Variants in CORO2B observed in about 807,000 individuals in gnomAD.
CORO2B encodes coronin 2B, also known as coronin-2B.
CORO2B carries 26 observed loss-of-function variants against 58.8 expected under a neutral mutation model. That is an observed-to-expected ratio of 0.44 (90% confidence interval 0.32 to 0.61). The LOEUF is 0.61. CORO2B is among the 20% of genes least tolerant of loss of function. The pLI is 0.04. For missense variants in CORO2B, 460 were observed against 645.1 expected (o/e 0.71, Z 3.11); for synonymous variants, 242 against 253.8 (o/e 0.95, Z 0.44).
chr15:68,613,910 G>A (rs1900295563), intron 1 of CORO2B, among the ~76,000 whole-genome samples: 1 of 152,200 alleles, frequency 6.6e-6, no homozygotes, highest in South Asian at 2.1e-4. Context: ...ATAAATTGCT[G>A]TGAGTTTAGC....
At chr15:68,677,622 A>G (rs1902631276) in intron 2 of CORO2B, among the ~76,000 whole-genome samples, 1 of 152,140 alleles carries the variant, frequency 6.6e-6, no homozygotes. Context: ...CAAAACCTCC[A>G]TGGGCAGGAA....
At chr15:68,707,824 C>A (rs34161654) in intron 3 of CORO2B, among the ~76,000 whole-genome samples, 1 of 152,044 alleles carries the variant, frequency 6.6e-6, no homozygotes, top group South Asian at 2.1e-4. Context: ...CTTGTTCCCC[C>A]TGCACCCTCT....
At chr15:68,701,404 C>T (rs1391133134) in intron 3 of CORO2B, among the ~76,000 whole-genome samples, 2 of 150,906 alleles carry the variant, frequency 1.3e-5, no homozygotes, top group Non-Finnish European at 2.9e-5. Flanking sequence ...CTTCACCTCC[C>T]GGGTTCAGGC....
chr15:68,618,422 A>G (rs931631805), intron 1 of CORO2B, among the ~76,000 whole-genome samples: 13 of 152,358 alleles, frequency 8.5e-5, no homozygotes, highest in Middle Eastern at 3.4e-3. Context: ...CTCCCAGTTC[A>G]AGTGGCACTT....
chr15:68,720,851 T>C (rs532484978), intron 11 of CORO2B, among the ~76,000 whole-genome samples: 120 of 152,300 alleles, frequency 7.9e-4, no homozygotes, highest in Middle Eastern at 3.4e-3. Context: ...ATGGGAGCCA[T>C]CTTAAACTAG....
At chr15:68,616,256 C>T (rs1188513763) in intron 1 of CORO2B, among the ~76,000 whole-genome samples, 1 of 152,216 alleles carries the variant, frequency 6.6e-6, no homozygotes, top group Non-Finnish European at 1.5e-5. Context: ...GCCTCTTCCC[C>T]ATCACCTCAG....
chr15:68,719,203 C>G lies in CORO2B; in HGVS notation c.1140C>G (p.Thr380=), dbSNP rs1393368789. The G allele has an allele frequency of 2.5e-6, 4 of 1,613,934 alleles. No homozygotes were observed. Among genetic ancestry groups the G allele is most frequent in the East Asian group, 2.2e-5 (1 of 44,892 alleles). ...PMTPGTEPAL[T]PDEWLGGINR... is the part of the protein sequence containing the mutation. The stretch of plus-strand genomic sequence containing the variant: ...CACCAGGCACGGAGCCAGCACTGAC[C>G]CCGGATGAATGGCTGGGAGGCATCA... The change falls in exon 10 of 12, where the codon ACC becomes ACG. Residue 380 remains threonine (T), a synonymous_variant. Transcript: ENST00000261861.
In CORO2B at chr15:68,726,094, A is replaced by AT. The variant is rs1893292559; in HGVS notation, c.*120_*121insT. 1 of 1,267,862 alleles carries AT rather than the reference A, an allele frequency of 7.9e-7. No individual in the cohort carries two copies. The highest frequency in any genetic ancestry group is 2.5e-5 in the Admixed American group (1 of 39,688). 78.5% of individuals were successfully genotyped at this position (1,267,862 alleles called of 1,614,324 possible). A position where few individuals can be genotyped will look rare whatever the true frequency, so the allele number is the denominator to read the frequency against. On this transcript the variant is annotated 3_prime_UTR_variant, in exon 12 of 12. Coordinates refer to ENST00000261861, the MANE Select transcript of CORO2B (RefSeq NM_006091.5). ...GACAGGAGTGGGGGCCAGCCTGAGG[A>AT]CCCCCGCCTACCACCTCGAGAACTG...
At chr15:68,630,656 T>A (rs1178771594) in intron 1 of CORO2B, among the ~76,000 whole-genome samples, 1 of 152,176 alleles carries the variant, frequency 6.6e-6, no homozygotes, top group African/African-American at 2.4e-5. Context: ...CAACCAAGAC[T>A]GACTCAAGCT....
At chr15:68,630,459 G>T (rs1363460179) in intron 1 of CORO2B, among the ~76,000 whole-genome samples, 7 of 152,044 alleles carry the variant, frequency 4.6e-5, no homozygotes, top group African/African-American at 1.7e-4. Flanking sequence ...GGCCTGCTAG[G>T]CTTGGGTGGG....
intron 1 of CORO2B, among the ~76,000 whole-genome samples, chr15:68,631,832 C>T (rs1900840035): frequency 6.6e-6 from 1 of 152,312 alleles, no homozygotes; most frequent in East Asian, 1.9e-4. Context: ...AAGGTGCTGA[C>T]ACCTGCACAA....
At chr15:68,637,331 C>G (rs1901061311) in intron 1 of CORO2B, among the ~76,000 whole-genome samples, 1 of 152,240 alleles carries the variant, frequency 6.6e-6, no homozygotes, top group African/African-American at 2.4e-5. Context: ...TCCCTCTGCT[C>G]CTCCAGTATG....
the CORO2B span, among the ~76,000 whole-genome samples, chr15:68,565,089 T>G: frequency 6.6e-6 from 1 of 152,204 alleles, no homozygotes. Flanking sequence ...AAAAGTGTTC[T>G]TTAATTAATT....
At chr15:68,691,642 A>AAAAG (rs1555416940) in intron 2 of CORO2B, among the ~76,000 whole-genome samples, 6 of 149,014 alleles carry the variant, frequency 4.0e-5, no homozygotes, top group East Asian at 2.0e-4. Flanking sequence ...AAAAAAAAAA[A>AAAAG]AAAAGAAAAG....
intron 11 of CORO2B, among the ~76,000 whole-genome samples, chr15:68,720,984 C>T (rs1013579327): frequency 2.0e-5 from 3 of 152,126 alleles, no homozygotes; most frequent in East Asian, 1.9e-4. Flanking sequence ...CAGGTTCAAG[C>T]GATTGTCCTG....
intron 1 of CORO2B, among the ~76,000 whole-genome samples, chr15:68,595,981 C>T (rs902737879): frequency 9.9e-5 from 15 of 151,496 alleles, no homozygotes; most frequent in Non-Finnish European, 2.1e-4. Context: ...GGGGTGCTCC[C>T]GAGCCACGAG....
chr15:68,571,218 T>A, the CORO2B span, among the ~76,000 whole-genome samples: 1 of 152,190 alleles, frequency 6.6e-6, no homozygotes, highest in Non-Finnish European at 1.5e-5. Flanking sequence ...CCCAGCCACC[T>A]GTTCTGTACT....
At chr15:68,592,809 C>A (rs1262287946) in intron 1 of CORO2B, among the ~76,000 whole-genome samples, 2 of 152,302 alleles carry the variant, frequency 1.3e-5, no homozygotes, top group African/African-American at 4.8e-5. Flanking sequence ...CTTCAGGGCT[C>A]ATGGGGATAT....
the CORO2B span, among the ~76,000 whole-genome samples, chr15:68,529,909 G>T: frequency 6.6e-6 from 1 of 152,140 alleles, no homozygotes; most frequent in Non-Finnish European, 1.5e-5. Context: ...TTGAACTAAA[G>T]GTTACTTAGA....
Sources: gnomAD v4.1 joint callset for allele counts (sites outside exome capture counted in the v4.1 genomes callset) on GRCh38, gnomAD v4.1.1 for gene constraint, MANE v1.5 for transcripts, NCBI Gene and HGNC (gene_info 2026-07-23, HGNC 2026-07-21) for gene names.